The following DYNC2I2 variants were observed in gnomAD, a reference collection of about 807,000 sequenced individuals.
The protein encoded by DYNC2I2 is dynein 2 intermediate chain 2.
DYNC2I2 carries 39 observed loss-of-function variants against 52.0 expected under a neutral mutation model. The ratio of observed to expected loss-of-function variants is 0.75; its 90% CI spans 0.58 to 0.98. DYNC2I2 has a LOEUF of 0.98. Among genes scored for constraint, DYNC2I2 ranks in the 50% least tolerant of loss-of-function variants. The pLI, the probability that DYNC2I2 is intolerant of heterozygous loss-of-function variation, is 0.00. For missense variants in DYNC2I2, 743 were observed against 728.4 expected, an observed-to-expected ratio of 1.02 and a Z score of -0.23; for synonymous variants, 359 against 321.1, an observed-to-expected ratio of 1.12 and a Z score of -1.26.
intron 1 of DYNC2I2, among the ~76,000 whole-genome samples, chr9:128,645,772 G>C (rs928595518): frequency 3.9e-5 from 6 of 152,150 alleles, no homozygotes; most frequent in Non-Finnish European, 5.9e-5. Flanking sequence ...GCTGAGACAG[G>C]CTGCAGCCAG....
chr9:128,656,579 A>C lies in DYNC2I2; in HGVS notation c.148T>G (p.Ser50Ala). The C allele has an allele frequency of 6.8e-7, 1 of 1,481,292 alleles. No homozygotes were observed. The highest frequency in any genetic ancestry group is 8.9e-7 in the Non-Finnish European group (1 of 1,124,044). The allele number at this position is 1,481,292 out of a possible 1,614,324, so 91.8% of individuals were successfully genotyped here. A position where few individuals can be genotyped will look rare whatever the true frequency, so the allele number is the denominator to read the frequency against. ...DETLGVASVP[S>A]QWRAVQGIRW... is the part of the protein sequence containing the mutation. ...ATGCCCTGGACGGCCCTCCACTGCG[A>C]GGGCACGGACGCCACACCCAGGGTC... Residue 50 changes from serine (S) to alanine (A), a missense_variant, in exon 1 of 9, where the codon TCG (serine) becomes GCG (alanine). Physicochemically the swap from Ser to Ala is moderately conservative, Grantham distance 99. Coordinates refer to ENST00000372715, the MANE Select transcript of DYNC2I2 (RefSeq NM_052844.4).
At chr9:128,661,304 CAAAAAAA>C (rs34937317), upstream of DYNC2I2, among the ~76,000 whole-genome samples, 1 of 62,220 alleles carries the variant, frequency 1.6e-5, no homozygotes, top group Non-Finnish European at 3.6e-5. Context: ...GACTCCATCT[CAAAAAAA>C]AAAAAAAAAA....
chr9:128,676,861 G>T, the DYNC2I2 span, among the ~76,000 whole-genome samples: 118,526 of 148,086 alleles, frequency 0.8, 48,547 homozygotes, highest in Middle Eastern at 0.9. Context: ...GTTTTGTTTT[G>T]TTTTTGAGAC....
At chr9:128,658,125 TAAAA>T (rs898804673), upstream of DYNC2I2, among the ~76,000 whole-genome samples, 4 of 148,694 alleles carry the variant, frequency 2.7e-5, no homozygotes, top group African/African-American at 9.9e-5. Context: ...AACAAAATAA[TAAAA>T]AAATTCTAAA....
chr9:128,654,638 GCCT>G (rs1309806698), intron 1 of DYNC2I2, among the ~76,000 whole-genome samples: 1 of 152,112 alleles, frequency 6.6e-6, no homozygotes, highest in Non-Finnish European at 1.5e-5. Flanking sequence ...GCTCACTGCA[GCCT>G]CCAACTCCTG....
At chr9:128,680,766 C>T in the DYNC2I2 span, among the ~76,000 whole-genome samples, 1 of 151,972 alleles carries the variant, frequency 6.6e-6, no homozygotes, top group Non-Finnish European at 1.5e-5. Flanking sequence ...CCTCCACCTT[C>T]TGGGTTCAAG....
chr9:128,673,113 C>G, the DYNC2I2 span, among the ~76,000 whole-genome samples: 16 of 152,100 alleles, frequency 1.1e-4, no homozygotes, highest in African/African-American at 3.9e-4. Context: ...TGTATATGTG[C>G]CAGGACTTAG....
chr9:128,656,771 T>C lies in DYNC2I2; in HGVS notation c.-45A>G. ...CGTGCGGACGCACTCAGGCGCGACCTCCGCCCCTACGCCGCCATGAGCGGA... is the reference window on the plus strand; with the variant it reads ...CGTGCGGACGCACTCAGGCGCGACCCCCGCCCCTACGCCGCCATGAGCGGA... On this transcript the variant is annotated 5_prime_UTR_variant, in exon 1 of 9. Transcript: ENST00000372715. 1 of 1,314,580 alleles carries C rather than the reference T, an allele frequency of 7.6e-7. No homozygotes were observed. Among genetic ancestry groups the C allele is most frequent in the Non-Finnish European group, 9.7e-7 (1 of 1,030,416 alleles). The allele number at this position is 1,314,580 out of a possible 1,614,324, so 81.4% of individuals were successfully genotyped here.
chr9:128,663,997 G>A, the DYNC2I2 span, among the ~76,000 whole-genome samples: 7 of 100,642 alleles, frequency 7.0e-5, no homozygotes, highest in African/African-American at 2.9e-4. Context: ...TGCTCTTCTT[G>A]CCCAGGCTGG....
chr9:128,676,201 C>T, the DYNC2I2 span, among the ~76,000 whole-genome samples: 228 of 152,030 alleles, frequency 1.5e-3, 1 homozygote, highest in African/African-American at 5.4e-3. Context: ...TTAAAAAACA[C>T]ACAAACAGGC....
chr9:128,640,142 G>A (rs1485673560), intron 2 of DYNC2I2, among the ~76,000 whole-genome samples: 1 of 151,932 alleles, frequency 6.6e-6, no homozygotes, highest in African/African-American at 2.4e-5. Flanking sequence ...AGAGTAGCTA[G>A]GACTATAGGC....
At chr9:128,639,758 CG>C (rs1316471779) in intron 2 of DYNC2I2, among the ~76,000 whole-genome samples, 1 of 151,966 alleles carries the variant, frequency 6.6e-6, no homozygotes, top group Non-Finnish European at 1.5e-5. Flanking sequence ...CTCCGTCTCC[CG>C]GGTTAAAGTG....
At chr9:128,636,056 C>T (rs1589429603) in intron 4 of DYNC2I2, 3 of 790,892 alleles carry the variant, frequency 3.8e-6, no homozygotes, top group South Asian at 3.1e-5. Context: ...GGCCTCTCCA[C>T]AGCCCCCTGT....
chr9:128,670,144 GA>G, the DYNC2I2 span, among the ~76,000 whole-genome samples: 60 of 146,154 alleles, frequency 4.1e-4, no homozygotes, highest in African/African-American at 1.5e-3. Context: ...TGTCTCAAAG[GA>G]AAAAAAAAAG....
chr9:128,657,320 C>G (rs1240086530), upstream of DYNC2I2, among the ~76,000 whole-genome samples: 2 of 152,066 alleles, frequency 1.3e-5, no homozygotes, highest in Non-Finnish European at 2.9e-5. Context: ...AAATTAAAAG[C>G]AAATAACTAA....
chr9:128,668,334 C>T, the DYNC2I2 span, among the ~76,000 whole-genome samples: 1 of 151,308 alleles, frequency 6.6e-6, no homozygotes, highest in Non-Finnish European at 1.5e-5. Context: ...TGAGCCACTG[C>T]GTCTGGCCAC....
the DYNC2I2 span, among the ~76,000 whole-genome samples, chr9:128,667,014 CA>C: frequency 6.6e-6 from 1 of 151,878 alleles, no homozygotes; most frequent in African/African-American, 2.4e-5. Context: ...GCCTGGCCAA[CA>C]TGGTGAAACC....
chr9:128,671,129 C>G, the DYNC2I2 span, among the ~76,000 whole-genome samples: 1 of 150,496 alleles, frequency 6.6e-6, no homozygotes, highest in African/African-American at 2.4e-5. Flanking sequence ...GTAGCATCAT[C>G]AGTCAAGAAA....
the DYNC2I2 span, among the ~76,000 whole-genome samples, chr9:128,673,606 C>T: frequency 7.3e-5 from 11 of 150,638 alleles, no homozygotes; most frequent in Non-Finnish European, 1.3e-4. Context: ...CCTGGGTTCA[C>T]GCCATTCTCC....
Sources: gnomAD v4.1 joint callset for allele counts (sites outside exome capture counted in the v4.1 genomes callset) on GRCh38, gnomAD v4.1.1 for gene constraint, MANE v1.5 for transcripts, NCBI Gene and HGNC (gene_info 2026-07-23, HGNC 2026-07-21) for gene names.